FAHD1: variants seen among roughly 807,000 people sequenced by gnomAD.
FAHD1 encodes FAH domain containing oxaloacetate decarboxylase 1.
Under a neutral mutation model 12.7 loss-of-function variants are expected in FAHD1, and 14 were observed. That is an observed-to-expected ratio of 1.10 (90% CI 0.73 to 1.72). The LOEUF is 1.72. FAHD1 is among the 40% of genes most tolerant of loss of function. The pLI is 0.00. For missense variants in FAHD1, 351 were observed against 298.9 expected (o/e 1.17, Z -1.29); for synonymous variants, 153 against 124.9 (o/e 1.22, Z -1.50).
exon 1 of FAHD1, chr16:1,828,024 G>C: frequency 1.4e-6 from 2 of 1,481,216 alleles, no homozygotes; most frequent in South Asian, 2.8e-5. Flanking sequence ...GCTCACGCCT[G>C]TAATCGCAGC....
At chr16:1,831,700 A>G (rs3903206), downstream of FAHD1, among the ~76,000 whole-genome samples, 26,986 of 152,018 alleles carry the variant, frequency 0.18, 2,540 homozygotes, top group South Asian at 0.27. Flanking sequence ...GGCCTGTTAC[A>G]AACGGAGCCA....
downstream of FAHD1, among the ~76,000 whole-genome samples, chr16:1,830,942 A>ACCC (rs1555470140): frequency 1.6e-5 from 2 of 127,986 alleles, no homozygotes; most frequent in East Asian, 2.2e-4. Flanking sequence ...ACACACACAC[A>ACCC]CACCCATATT....
At chr16:1,828,923 G>T (rs11643306), downstream of FAHD1, 161,181 of 999,134 alleles carry the variant, frequency 0.16, 13,545 homozygotes, top group South Asian at 0.28. Context: ...GGCTTACAAG[G>T]GTAATTTTTT....
At chr16:1,831,834 C>T (rs184286363), downstream of FAHD1, among the ~76,000 whole-genome samples, 80 of 152,252 alleles carry the variant, frequency 5.3e-4, no homozygotes, top group Non-Finnish European at 7.2e-4. Flanking sequence ...ATCTAGGTTG[C>T]GCACTCCTTA....
At chr16:1,835,417 T>G (rs1898716710) in intron 1 of FAHD1, among the ~76,000 whole-genome samples, 1 of 152,250 alleles carries the variant, frequency 6.6e-6, no homozygotes, top group African/African-American at 2.4e-5. Context: ...ATAGTCTTAT[T>G]TTTTATAATT....
chr16:1,837,864 C>T, intron 1 of FAHD1: 1 of 1,510,390 alleles, frequency 6.6e-7, no homozygotes, highest in Non-Finnish European at 8.9e-7. Context: ...GCAAGAAACT[C>T]ATGTACCTGG....
downstream of FAHD1, among the ~76,000 whole-genome samples, chr16:1,832,065 T>G (rs554799972): frequency 6.6e-6 from 1 of 152,208 alleles, no homozygotes; most frequent in East Asian, 1.9e-4. Flanking sequence ...TTTTGACACT[T>G]TTTGCCAAAT....
chr16:1,837,813 G>T lies in FAHD1; in HGVS notation c.628-203G>T, dbSNP rs201086029. 5.2e-6 allele frequency: 8 copies of T among 1,540,220 alleles called. No individual in the cohort carries two copies. The highest frequency in any genetic ancestry group is 2.0e-5 in the Admixed American group (1 of 49,444). The stretch of plus-strand genomic sequence containing the variant: ...AAATAAATTTTGCTTCTTTCCAAGA[G>T]AAATTGCCACTTTAATGCTGTTTTC... On this transcript the variant is annotated intron_variant, in intron 1 of 2. Coordinates refer to the FAHD1 transcript ENST00000382666.
At chr16:1,837,877 A>T in intron 1 of FAHD1, 1 of 1,269,472 alleles carries the variant, frequency 7.9e-7, no homozygotes, top group Non-Finnish European at 1.1e-6. Flanking sequence ...GTACCTGGTT[A>T]AAAAAAAAAT....
downstream of FAHD1, among the ~76,000 whole-genome samples, chr16:1,833,687 G>A (rs143708619): frequency 0.013 from 1,877 of 150,052 alleles, 19 homozygotes; most frequent in African/African-American, 0.028. Context: ...TCAGCCTCCC[G>A]AGTAGCTGGG....
At position 1,838,827 on chromosome 16, in the gene FAHD1, G is replaced by A. The variant is rs1055373020; in HGVS notation, c.*9-435G>A. Among the ~76,000 whole-genome samples, 3 of 152,176 alleles carry A rather than the reference G, an allele frequency of 2.0e-5. No homozygotes were observed. In the East Asian group the frequency reaches 5.8e-4, roughly 29 times the overall value. ...GTGCCCCAGCCTCCTGAGTAGCTAG[G>A]ATTACAAGTGCACGTCACCACACCC... is the stretch of plus-strand genomic sequence containing the variant. On this transcript the variant is annotated intron_variant, in intron 2 of 2. Coordinates refer to the FAHD1 transcript ENST00000382666.
downstream of FAHD1, among the ~76,000 whole-genome samples, chr16:1,832,725 G>A (rs1254874110): frequency 1.3e-5 from 2 of 151,968 alleles, no homozygotes; most frequent in Non-Finnish European, 2.9e-5. Flanking sequence ...AACCAACAGT[G>A]GGAGCCAAGC....
At chr16:1,833,600 C>T (rs972515757), downstream of FAHD1, among the ~76,000 whole-genome samples, 4 of 141,712 alleles carry the variant, frequency 2.8e-5, no homozygotes, top group Non-Finnish European at 1.5e-5. Context: ...CTCGCTCTGT[C>T]GCCCAGGCTG....
intron 1 of FAHD1, chr16:1,837,990 G>C (rs1898794215): frequency 1.4e-6 from 2 of 1,439,202 alleles, no homozygotes; most frequent in African/African-American, 1.4e-5. Flanking sequence ...AGTAATTACA[G>C]CTCAATCGTT....
rs753016924 is a variant in FAHD1, at chr16:1,827,219, A to T, written c.-20A>T. On this transcript the variant is annotated 5_prime_UTR_variant, in exon 1 of 1. Transcript: ENST00000427358. The stretch of plus-strand genomic sequence containing the variant: ...TGACCGGCCCAGCCCACGTGACTAC[A>T]GGGGCACTTGATGGGAATCATGGCA... 6 of 1,593,890 alleles carry T rather than the reference A, an allele frequency of 3.8e-6. No individual in the cohort carries two copies. The Admixed American group carries it at 1.0e-4, about 27-fold the overall frequency.
At chr16:1,831,056 C>T (rs910352031), downstream of FAHD1, among the ~76,000 whole-genome samples, 2 of 152,114 alleles carry the variant, frequency 1.3e-5, no homozygotes, top group Non-Finnish European at 2.9e-5. Flanking sequence ...ACCATTATCA[C>T]GCTTAAGAAA....
downstream of FAHD1, among the ~76,000 whole-genome samples, chr16:1,833,642 A>G (rs1484806444): frequency 6.8e-6 from 1 of 146,488 alleles, no homozygotes; most frequent in South Asian, 2.2e-4. Context: ...GCTCACTACA[A>G]CCTCCTCATC....
chr16:1,831,747 C>G (rs1288561751), downstream of FAHD1, among the ~76,000 whole-genome samples: 1 of 152,212 alleles, frequency 6.6e-6, no homozygotes, highest in Non-Finnish European at 1.5e-5. Context: ...CGCCCGAGTT[C>G]TGCTTCCCGT....
chr16:1,827,524 C>T, exon 1 of FAHD1: 1 of 1,613,196 alleles, frequency 6.2e-7, no homozygotes, highest in Non-Finnish European at 8.5e-7. Context: ...CGGCTATGCC[C>T]TGTGCCTGGA....
Sources: gnomAD v4.1 joint callset for allele counts (sites outside exome capture counted in the v4.1 genomes callset) on GRCh38, gnomAD v4.1.1 for gene constraint, MANE v1.5 for transcripts, NCBI Gene and HGNC (gene_info 2026-07-23, HGNC 2026-07-21) for gene names.